Variants in CACNA1I observed in about 807,000 individuals in gnomAD.
The protein encoded by CACNA1I is calcium voltage-gated channel subunit alpha1 I.
Under a neutral mutation model 201.6 loss-of-function variants are expected in CACNA1I, and 74 were observed. The observed-to-expected ratio is 0.37, with a 90% CI of 0.30 to 0.45. The LOEUF (loss-of-function observed/expected upper bound fraction) is 0.45, where lower values mean the gene tolerates loss of function less well. Ranked by LOEUF, CACNA1I falls within the 20% of genes least tolerant of loss-of-function variation. The pLI, the probability that CACNA1I is intolerant of heterozygous loss-of-function variation, is 1.00. For missense variants in CACNA1I, 2,346 were observed against 3,138.1 expected, an observed-to-expected ratio of 0.75 and a Z score of 6.03; for synonymous variants, 1,431 against 1,345.2, an observed-to-expected ratio of 1.06 and a Z score of -1.40.
chr22:39,673,932 C>T (rs769669011), intron 28 of CACNA1I, 31 bp from the exon 29 acceptor site: 2 of 1,606,478 alleles, frequency 1.2e-6, no homozygotes, highest in South Asian at 1.1e-5. Flanking sequence ...CGGCCTGGGG[C>T]TGAGTGGGCA....
chr22:39,684,883 A>T lies in CACNA1I; in HGVS notation c.6027+385A>T. On this transcript the variant is annotated intron_variant, in intron 36 of 36. Transcript: ENST00000402142. The surrounding 1 kb of genome is among the most constrained non-coding windows in gnomAD (Gnocchi z 4.6). The stretch of plus-strand genomic sequence containing the variant: ...CTGGGTGGGTGTGAGTGGGGGCTTG[A>T]TTACTAGGAATGGAGGTGGGAGGGC... 1.3e-5 allele frequency: 5 copies of T among 387,048 alleles called. No individual in the cohort carries two copies. The highest frequency in any genetic ancestry group is 2.0e-5 in the African/African-American group (1 of 48,994). The allele number at this position is 387,048 out of a possible 1,614,324, so 24.0% of individuals were successfully genotyped here. A position where few individuals can be genotyped will look rare whatever the true frequency, so the allele number is the denominator to read the frequency against.
At chr22:39,664,267 C>A in intron 20 of CACNA1I, 108 bp downstream of exon 20, 2 of 924,928 alleles carry the variant, frequency 2.2e-6, no homozygotes, top group Non-Finnish European at 3.4e-6. Context: ...CTTCATTTCA[C>A]TCGTAGCCCC....
chr22:39,642,404 C>T (rs935927595), intron 6 of CACNA1I, among the ~76,000 whole-genome samples: 11 of 152,162 alleles, frequency 7.2e-5, no homozygotes, highest in Admixed American at 5.9e-4. Context: ...CACCGAGCTG[C>T]ACCCCAGCTC....
intron 2 of CACNA1I, among the ~76,000 whole-genome samples, chr22:39,599,879 T>C (rs1309915081): frequency 1.3e-5 from 2 of 152,188 alleles, no homozygotes. Context: ...TCACTAATCC[T>C]GGAAACAGGA....
At chr22:39,675,006 G>T (rs890775190) in intron 29 of CACNA1I, among the ~76,000 whole-genome samples, 2 of 152,198 alleles carry the variant, frequency 1.3e-5, no homozygotes, top group Non-Finnish European at 2.9e-5. Context: ...CAGAGACGTG[G>T]TTTTTCCTAA....
At chr22:39,583,351 A>G (rs62228481) in intron 1 of CACNA1I, among the ~76,000 whole-genome samples, 2 of 94,304 alleles carry the variant, frequency 2.1e-5, no homozygotes, top group Non-Finnish European at 4.3e-5. Flanking sequence ...CATCCAGCCA[A>G]CCATCCAACC....
At chr22:39,631,831 G>A (rs1934072101) in intron 4 of CACNA1I, among the ~76,000 whole-genome samples, 1 of 152,180 alleles carries the variant, frequency 6.6e-6, no homozygotes, top group Non-Finnish European at 1.5e-5. Context: ...AGGAAGATTA[G>A]CCATAGTCTC....
intron 15 of CACNA1I, among the ~76,000 whole-genome samples, chr22:39,660,812 G>A (rs5995764): frequency 0.076 from 11,516 of 152,088 alleles, 1,436 homozygotes; most frequent in African/African-American, 0.26. Flanking sequence ...TAACTGGGGC[G>A]GACAGTCCCT....
chr22:39,665,787 C>G lies in CACNA1I; in HGVS notation c.3979-94C>G. On this transcript the variant is annotated intron_variant, in intron 22 of 36. Transcript: ENST00000402142. This position sits in a 1 kb window ranked among gnomAD's most constrained non-coding sequence, Gnocchi z 5.5. The stretch of plus-strand genomic sequence containing the variant: ...AGACATGGGCCCAGATGACTGAGCA[C>G]AAGACAGTCTGAGTAAACGCGATCG... 1 of 1,574,152 alleles carries G rather than the reference C, an allele frequency of 6.4e-7. No homozygotes were observed. The highest frequency in any genetic ancestry group is 8.7e-7 in the Non-Finnish European group (1 of 1,149,356).
At chr22:39,615,279 T>C (rs138574116) in intron 3 of CACNA1I, among the ~76,000 whole-genome samples, 100 of 152,276 alleles carry the variant, frequency 6.6e-4, no homozygotes, top group African/African-American at 2.3e-3. Context: ...GAGGCCACAT[T>C]ATGGAGACCC....
rs967614916 is a variant in CACNA1I, at chr22:39,688,950, C to T, written c.*2545C>T. On this transcript the variant is annotated 3_prime_UTR_variant, in exon 37 of 37. Transcript: ENST00000402142. The surrounding 1 kb of genome is among the most constrained non-coding windows in gnomAD (Gnocchi z 4.8). ...AGGCCCCACCTGCCGATCCCAGGCACTTGACCTTGTTCCTGTGGGTGACAG... is the reference window on the plus strand; with the variant it reads ...AGGCCCCACCTGCCGATCCCAGGCATTTGACCTTGTTCCTGTGGGTGACAG... 6.5e-6 allele frequency: 1 copy of T among 152,754 alleles called. No individual in the cohort carries two copies. The highest frequency in any genetic ancestry group is 2.4e-5 in the African/African-American group (1 of 41,466). 9.5% of individuals were successfully genotyped at this position (152,754 alleles called of 1,614,324 possible). A position where few individuals can be genotyped will look rare whatever the true frequency, so the allele number is the denominator to read the frequency against.
intron 5 of CACNA1I, among the ~76,000 whole-genome samples, chr22:39,638,277 G>A (rs1489126391): frequency 1.3e-5 from 2 of 152,186 alleles, no homozygotes; most frequent in Non-Finnish European, 2.9e-5. Context: ...ATTTTTAGTG[G>A]ATAGTCAACT....
In CACNA1I at chr22:39,570,845, C is replaced by G. The variant is rs1419566575; in HGVS notation, c.93C>G (p.Pro31=). The G allele has an allele frequency of 6.2e-7, 1 of 1,613,542 alleles. No individual in the cohort carries two copies. The highest frequency in any genetic ancestry group is 8.5e-7 in the Non-Finnish European group (1 of 1,179,730). ...VTTEQPGPRS[P]PSSPPGLEEP... Reference sequence around the variant, plus strand: ...CGGAGCAGCCCGGACCCCGGAGCCCCCCATCCTCCCCGCCAGGCCTGGAGG... The same window carrying G: ...CGGAGCAGCCCGGACCCCGGAGCCCGCCATCCTCCCCGCCAGGCCTGGAGG... Residue 31 remains proline (P), a synonymous_variant, in exon 1 of 37, where the codon CCC becomes CCG. Transcript: ENST00000402142.
chr22:39,571,016 G>T (rs1569041153), intron 1 of CACNA1I, 28 bp downstream of exon 1: 3 of 1,573,778 alleles, frequency 1.9e-6, no homozygotes, highest in Non-Finnish European at 2.6e-6. Flanking sequence ...GGCTGATCGG[G>T]GCCCTGCAGG....
rs1231601869 is a variant in CACNA1I at position 39,648,124 on chromosome 22, GC to G, written c.1567+201del. Among the ~76,000 whole-genome samples the G allele has an allele frequency of 2.0e-5, 3 of 152,184 alleles. No individual in the cohort carries two copies. The highest frequency in any genetic ancestry group is 6.5e-5 in the Admixed American group (1 of 15,284). On this transcript the variant is annotated intron_variant, in intron 9 of 36. Coordinates refer to ENST00000402142, the MANE Select transcript of CACNA1I (RefSeq NM_021096.4). This position sits in a 1 kb window ranked among gnomAD's most constrained non-coding sequence, Gnocchi z 5.4. ...CCACGGCGGGAGTCAGCCACCCCAG[GC>G]CCTGCTCTGGAAAGCCCTGTCCTTC...
chr22:39,598,402 C>G lies in CACNA1I; in HGVS notation c.348+140C>G, dbSNP rs1350029118. On this transcript the variant is annotated intron_variant, in intron 2 of 36. Coordinates refer to ENST00000402142, the MANE Select transcript of CACNA1I (RefSeq NM_021096.4). ...GCCCCGCCCCGCTCCGTGCCCTTCC[C>G]CATCCTGCGCTGCACTACCAAGCGC... 8 of 623,316 alleles carry G rather than the reference C, an allele frequency of 1.3e-5. No homozygotes were observed. In the Admixed American group the frequency reaches 1.5e-4, roughly 11 times the overall value. The allele number at this position is 623,316 out of a possible 1,614,324, so 38.6% of individuals were successfully genotyped here.
chr22:39,645,304 G>C (rs771823830), intron 7 of CACNA1I, among the ~76,000 whole-genome samples: 15 of 152,204 alleles, frequency 9.9e-5, no homozygotes, highest in Non-Finnish European at 1.5e-4. Flanking sequence ...GACTAAAAAA[G>C]TTCTTGGCTC....
At chr22:39,620,397 A>C (rs1933712960) in intron 4 of CACNA1I, among the ~76,000 whole-genome samples, 2 of 152,062 alleles carry the variant, frequency 1.3e-5, no homozygotes, top group South Asian at 2.1e-4. Flanking sequence ...CCACCTGTCC[A>C]TCCATCCATC....
intron 4 of CACNA1I, among the ~76,000 whole-genome samples, chr22:39,623,796 G>C (rs936229707): frequency 2.0e-5 from 3 of 148,536 alleles, no homozygotes; most frequent in African/African-American, 7.5e-5. Flanking sequence ...GTGTATGTCT[G>C]TGAAAGGGTG....
Sources: gnomAD v4.1 joint callset for allele counts (sites outside exome capture counted in the v4.1 genomes callset) on GRCh38, gnomAD v4.1.1 for gene constraint, Gnocchi (gnomAD v3.1) non-coding constraint, MANE v1.5 for transcripts, NCBI Gene and HGNC (gene_info 2026-07-23, HGNC 2026-07-21) for gene names.